The following TBCK variants were observed in gnomAD, a reference collection of about 807,000 sequenced individuals.
The protein encoded by TBCK is TBC domain-containing protein kinase-like protein.
In TBCK, 99 loss-of-function variants were observed where a neutral mutation model predicts 113.4. The observed-to-expected ratio is 0.87, with a 90% confidence interval of 0.74 to 1.03. The LOEUF (loss-of-function observed/expected upper bound fraction) is 1.03, where lower values mean the gene tolerates loss of function less well. Among genes scored for constraint, TBCK ranks in the 50% least tolerant of loss-of-function variants. The pLI is 0.00. For missense variants in TBCK, 1,045 were observed against 1,061.3 expected, an observed-to-expected ratio of 0.98 and a Z score of 0.21; for synonymous variants, 369 against 370.8, an observed-to-expected ratio of 1.00 and a Z score of 0.05.
intron 3 of TBCK, among the ~76,000 whole-genome samples, chr4:106,275,164 T>A (rs1763892993): frequency 1.3e-5 from 2 of 152,124 alleles, no homozygotes; most frequent in South Asian, 4.1e-4. Flanking sequence ...ACATATTCAT[T>A]AAAGAAGAAA....
intron 23 of TBCK, among the ~76,000 whole-genome samples, chr4:106,155,368 C>G (rs778836298): frequency 1.3e-5 from 2 of 152,048 alleles, no homozygotes; most frequent in Non-Finnish European, 2.9e-5. Flanking sequence ...GTTCTATAAT[C>G]TTCTTGTACT....
Position 106,140,111 on chromosome 4 carries a change from G to A in TBCK, c.2236-23733C>T, listed in dbSNP as rs966148562. ...ATTTTACAGTTGTTAAATTAAAAAA[G>A]GTCTTCATATCTTCCTGTTGGTTTA... is the stretch of plus-strand genomic sequence containing the variant. On this transcript the variant is annotated intron_variant, in intron 23 of 25. Transcript: ENST00000394708. Among the ~76,000 whole-genome samples, 6 of 139,656 alleles carry A rather than the reference G, an allele frequency of 4.3e-5. 1 individual carries two copies. Among genetic ancestry groups the A allele is most frequent in the African/African-American group, 1.5e-4 (6 of 39,770 alleles). 91.6% of individuals were successfully genotyped at this position (139,656 alleles called of 152,430 possible).
chr4:106,073,377 T>C (rs1002820720), intron 25 of TBCK, among the ~76,000 whole-genome samples: 4 of 152,202 alleles, frequency 2.6e-5, no homozygotes, highest in African/African-American at 9.6e-5. Context: ...CTGTTGGAGT[T>C]TGCCAGAGTT....
At chr4:106,077,419 A>G (rs943111465) in intron 25 of TBCK, among the ~76,000 whole-genome samples, 1 of 152,244 alleles carries the variant, frequency 6.6e-6, no homozygotes, top group African/African-American at 2.4e-5. Flanking sequence ...GCTGTCTTCA[A>G]GAGATCCATC....
chr4:106,211,381 T>A (rs1019218575), intron 20 of TBCK, among the ~76,000 whole-genome samples: 1 of 152,114 alleles, frequency 6.6e-6, no homozygotes, highest in African/African-American at 2.4e-5. Flanking sequence ...TCAGTTTTTA[T>A]TGATTTTTTA....
rs2150053706 is a variant in TBCK at position 106,248,288 on chromosome 4, TCA to T, written c.737_738del (p.Val246AspfsTer6). The stretch of plus-strand genomic sequence containing the variant: ...GTAAGGCACTTATTCAAAAGATCTA[TCA>T]CAGTTTCAGGAAGCTCCTGGTAAAT... ...LDIIKELPET[V>X]IDLLNKCLTF... On this transcript the variant is annotated frameshift_variant, in exon 9 of 26. Coordinates refer to ENST00000394708, the MANE Select transcript of TBCK (RefSeq NM_001163435.3). LOFTEE classifies it high-confidence loss of function. 1 of 1,592,392 alleles carries T rather than the reference TCA, an allele frequency of 6.3e-7. No homozygotes were observed. The highest frequency in any genetic ancestry group is 8.6e-7 in the Non-Finnish European group (1 of 1,169,332).
intron 5 of TBCK, among the ~76,000 whole-genome samples, chr4:106,259,040 A>T (rs1213822048): frequency 6.6e-6 from 1 of 151,926 alleles, no homozygotes; most frequent in African/African-American, 2.4e-5. Flanking sequence ...TTCTCCCACT[A>T]AACAATGAGC....
intron 3 of TBCK, among the ~76,000 whole-genome samples, chr4:106,263,319 C>T (rs189897560): frequency 4.6e-5 from 7 of 151,474 alleles, no homozygotes; most frequent in African/African-American, 1.7e-4. Flanking sequence ...GAAAAAAGAA[C>T]AGAACAAATA....
At chr4:106,284,619 C>T (rs1405483717) in intron 3 of TBCK, among the ~76,000 whole-genome samples, 1 of 152,082 alleles carries the variant, frequency 6.6e-6, no homozygotes, top group Non-Finnish European at 1.5e-5. Flanking sequence ...AAACTTAACA[C>T]AATGTAGAAA....
At chr4:106,185,794 C>G (rs575422584) in intron 22 of TBCK, among the ~76,000 whole-genome samples, 3 of 152,132 alleles carry the variant, frequency 2.0e-5, no homozygotes, top group Admixed American at 2.0e-4. Flanking sequence ...AGGTTGCGTG[C>G]TGCAGAGGTT....
At chr4:106,181,029 CTGT>C (rs1255519886) in intron 22 of TBCK, among the ~76,000 whole-genome samples, 1 of 152,168 alleles carries the variant, frequency 6.6e-6, no homozygotes, top group African/African-American at 2.4e-5. Context: ...TCTCCAGCAT[CTGT>C]TGTTTCTTGA....
chr4:106,201,231 A>C (rs1256076338), intron 20 of TBCK, among the ~76,000 whole-genome samples: 1 of 151,996 alleles, frequency 6.6e-6, no homozygotes, highest in Admixed American at 6.6e-5. Context: ...GTACTCTGTG[A>C]GATAGTAATG....
chr4:106,050,061 G>A (rs886430139), intron 25 of TBCK, among the ~76,000 whole-genome samples: 20 of 152,072 alleles, frequency 1.3e-4, no homozygotes, highest in African/African-American at 4.8e-4. Context: ...TGTTTGTAGG[G>A]CTGAAATTTG....
chr4:106,135,437 C>A (rs1442526862), intron 23 of TBCK, among the ~76,000 whole-genome samples: 1 of 96,896 alleles, frequency 1.0e-5, no homozygotes, highest in Non-Finnish European at 2.7e-5. Context: ...AGAATGTACA[C>A]TTAACCACAT....
At chr4:106,079,394 C>G (rs1369880281) in intron 25 of TBCK, among the ~76,000 whole-genome samples, 1 of 152,214 alleles carries the variant, frequency 6.6e-6, no homozygotes, top group Non-Finnish European at 1.5e-5. Flanking sequence ...TCTTTCTTCA[C>G]AGATGATATG....
At chr4:106,260,883 C>A (rs1456520763) in intron 4 of TBCK, among the ~76,000 whole-genome samples, 1 of 151,854 alleles carries the variant, frequency 6.6e-6, no homozygotes, top group Non-Finnish European at 1.5e-5. Context: ...TTTCACAGAG[C>A]AAATTTTTTT....
At chr4:106,098,010 C>T (rs1338773209) in intron 24 of TBCK, among the ~76,000 whole-genome samples, 1 of 151,924 alleles carries the variant, frequency 6.6e-6, no homozygotes, top group Non-Finnish European at 1.5e-5. Flanking sequence ...CACATTTTTC[C>T]ATGCTCTAAG....
chr4:106,193,298 A>G (rs530764531), intron 22 of TBCK, among the ~76,000 whole-genome samples: 2 of 152,298 alleles, frequency 1.3e-5, no homozygotes, highest in Admixed American at 1.3e-4. Context: ...CCATCACTGA[A>G]GAGAAACAGC....
At chr4:106,216,833 T>C (rs895833918) in intron 19 of TBCK, among the ~76,000 whole-genome samples, 5 of 150,406 alleles carry the variant, frequency 3.3e-5, no homozygotes, top group Admixed American at 6.6e-5. Flanking sequence ...TTCCAATCAA[T>C]AGAAAAAGAG....
Sources: allele counts gnomAD v4.1 joint callset (sites outside exome capture counted in the v4.1 genomes callset), GRCh38; gene constraint gnomAD v4.1.1; transcripts MANE v1.5; gene names NCBI Gene and HGNC (gene_info 2026-07-23, HGNC 2026-07-21).